AKR1D1: variants seen among roughly 807,000 people sequenced by gnomAD.
AKR1D1 encodes the protein aldo-keto reductase family 1 member D1.
A neutral mutation model predicts 42.6 loss-of-function variants in AKR1D1; 32 were observed. The ratio of observed to expected loss-of-function variants is 0.75; its 90% confidence interval spans 0.57 to 1.01. The LOEUF (loss-of-function observed/expected upper bound fraction) is 1.01, where lower values mean the gene tolerates loss of function less well. Ranked by LOEUF, AKR1D1 falls within the 50% of genes least tolerant of loss-of-function variation. AKR1D1 has a pLI of 0.00. For synonymous variants in AKR1D1, 123 were observed against 135.5 expected (o/e 0.91, Z 0.64); for missense variants, 364 against 402.2 (o/e 0.91, Z 0.81).
At chr7:138,090,287 A>T (rs934351221) in intron 2 of AKR1D1, among the ~76,000 whole-genome samples, 1 of 152,160 alleles carries the variant, frequency 6.6e-6, no homozygotes, top group African/African-American at 2.4e-5. Flanking sequence ...TCATTGTCCA[A>T]CAGAGGAAAA....
At chr7:138,089,479 C>T (rs1161308161) in intron 2 of AKR1D1, among the ~76,000 whole-genome samples, 1 of 150,940 alleles carries the variant, frequency 6.6e-6, no homozygotes, top group Non-Finnish European at 1.5e-5. Flanking sequence ...AATCCAAAAG[C>T]CAGCTATGTA....
chr7:138,087,929 T>C (rs564695303), intron 1 of AKR1D1, among the ~76,000 whole-genome samples: 1 of 151,704 alleles, frequency 6.6e-6, no homozygotes, highest in East Asian at 1.9e-4. Context: ...CTGTCTATGT[T>C]GCCCAGTCTG....
chr7:138,094,048 T>C (rs1299096979), intron 3 of AKR1D1, among the ~76,000 whole-genome samples: 1 of 152,234 alleles, frequency 6.6e-6, no homozygotes, highest in East Asian at 1.9e-4. Flanking sequence ...TTGGACTTGA[T>C]AGATAATTTC....
At chr7:138,116,002 G>A (rs1378947012) in intron 8 of AKR1D1, among the ~76,000 whole-genome samples, 1 of 152,080 alleles carries the variant, frequency 6.6e-6, no homozygotes, top group Non-Finnish European at 1.5e-5. Context: ...CCGAGACAGG[G>A]CGACTGCTTC....
intron 7 of AKR1D1, among the ~76,000 whole-genome samples, chr7:138,112,939 G>A (rs1287731831): frequency 6.6e-6 from 1 of 151,930 alleles, no homozygotes; most frequent in African/African-American, 2.4e-5. Flanking sequence ...TAAAAAGGTA[G>A]AAGAGACATA....
At chr7:138,095,193 C>T (rs939832795) in intron 3 of AKR1D1, among the ~76,000 whole-genome samples, 3 of 152,140 alleles carry the variant, frequency 2.0e-5, no homozygotes, top group Middle Eastern at 3.4e-3. Flanking sequence ...GTAAAAATCA[C>T]GTAACAGAAT....
intron 1 of AKR1D1, among the ~76,000 whole-genome samples, chr7:138,083,076 C>T (rs990340036): frequency 1.3e-5 from 2 of 152,118 alleles, no homozygotes. Context: ...TTTTTCTTGA[C>T]CAACATGTTC....
At chr7:138,090,895 C>A (rs1339116238) in intron 2 of AKR1D1, among the ~76,000 whole-genome samples, 1 of 152,088 alleles carries the variant, frequency 6.6e-6, no homozygotes, top group African/African-American at 2.4e-5. Context: ...CAAATAAGAA[C>A]AAAAGATCAG....
Position 138,087,671 on chromosome 7 carries a change from T to A in AKR1D1, c.94-930T>A, listed in dbSNP as rs149938164. Reference sequence around the variant, plus strand: ...TCTATCAACTCTATAAGCTTCCTCATGCCACTTTGTAATCCCTCCTTCCAC... The same window carrying A: ...TCTATCAACTCTATAAGCTTCCTCAAGCCACTTTGTAATCCCTCCTTCCAC... On this transcript the variant is annotated intron_variant, in intron 1 of 8. Transcript: ENST00000242375. 2.4e-3 allele frequency among the ~76,000 whole-genome samples: 361 copies of A among 152,300 alleles called. 2 individuals are homozygous for A. The highest frequency in any genetic ancestry group is 8.3e-3 in the African/African-American group (347 of 41,558).
At chr7:138,093,175 TCTC>T (rs1794118556) in intron 3 of AKR1D1, among the ~76,000 whole-genome samples, 2 of 151,764 alleles carry the variant, frequency 1.3e-5, no homozygotes, top group Admixed American at 1.3e-4. Context: ...TTCAAGCGAT[TCTC>T]CTGCCTCAGC....
chr7:138,107,246 T>A, intron 6 of AKR1D1, 169 bp from the exon 7 acceptor site: 1 of 792,984 alleles, frequency 1.3e-6, no homozygotes, highest in Admixed American at 1.7e-5. Context: ...ATACTACGAG[T>A]AACTCTCCAT....
chr7:138,081,506 CTTTTTTTTTTTTTTTTTTTT>C (rs61466734), intron 1 of AKR1D1, among the ~76,000 whole-genome samples: 3 of 47,620 alleles, frequency 6.3e-5, no homozygotes, highest in South Asian at 1.9e-3. Context: ...GAACTCCTAC[CTTTTTTTTTTTTTTTTTTTT>C]TTTTTTTTTT....
Position 138,097,895 on chromosome 7 carries a change from G to A in AKR1D1, c.408G>A (p.Glu136=). Residue 136 remains glutamate (E), a synonymous_variant, in exon 4 of 9, where the codon GAG becomes GAA. Coordinates refer to ENST00000242375, the MANE Select transcript of AKR1D1 (RefSeq NM_005989.4). ...GAGATGAAATATACCCTAGAGATGA[G>A]AATGGCAAATGGTTATATCACAAGT... ...KPGDEIYPRD[E]NGKWLYHKSN... 6.2e-7 allele frequency: 1 copy of A among 1,607,096 alleles called. No homozygotes were observed. The highest frequency in any genetic ancestry group is 8.5e-7 in the Non-Finnish European group (1 of 1,176,870).
At chr7:138,078,828 T>C (rs1036381404) in intron 1 of AKR1D1, among the ~76,000 whole-genome samples, 1 of 152,156 alleles carries the variant, frequency 6.6e-6, no homozygotes, top group Non-Finnish European at 1.5e-5. Context: ...TTTCAGAATC[T>C]GAATGAGCCA....
intron 3 of AKR1D1, among the ~76,000 whole-genome samples, chr7:138,094,321 C>T (rs1308618132): frequency 6.6e-6 from 1 of 152,044 alleles, no homozygotes; most frequent in Non-Finnish European, 1.5e-5. Context: ...TTGAGACAAG[C>T]CTGGGCAACA....
intron 5 of AKR1D1, 97 bp downstream of exon 5, chr7:138,105,526 G>A (rs1794406150): frequency 2.6e-6 from 4 of 1,537,748 alleles, no homozygotes; most frequent in African/African-American, 1.4e-5. Flanking sequence ...GCTCATGATT[G>A]CTCCACCTAA....
intron 1 of AKR1D1, among the ~76,000 whole-genome samples, chr7:138,081,187 T>C (rs187731198): frequency 3.4e-4 from 52 of 152,368 alleles, no homozygotes; most frequent in Admixed American, 3.4e-3. Context: ...ATTTCTGGAA[T>C]GTCTACTTCA....
rs757594806 is a variant in AKR1D1, at chr7:138,116,648, C to A, written c.967C>A (p.His323Asn). 1.2e-6 allele frequency: 2 copies of A among 1,614,162 alleles called. No individual in the cohort carries two copies. The highest frequency in any genetic ancestry group is 3.3e-5 in the Admixed American group (2 of 60,024). The change falls in exon 9 of 9, where the codon CAT becomes AAT. Residue 323 changes from histidine to asparagine, a missense_variant. Transcript: ENST00000242375. ...MWRDHPEYPF[H>N]DEY ...GCGCGATCATCCTGAATACCCATTT[C>A]ATGATGAATACTGACTGCAGGGAGT... is the stretch of plus-strand genomic sequence containing the variant.
In AKR1D1 at chr7:138,076,471, A is replaced by T; in HGVS notation, c.-48A>T. On this transcript the variant is annotated 5_prime_UTR_variant, in exon 1 of 9. In the 5' UTR this introduces an upstream ATG that the reference lacks. Coordinates refer to ENST00000242375, the MANE Select transcript of AKR1D1 (RefSeq NM_005989.4). ...TAGGCCCTAGGACACCTTTCTAAAA[A>T]GACTCCCTGTGGTGTTCAGAATCAC... 6.6e-7 allele frequency: 1 copy of T among 1,512,522 alleles called. No homozygotes were observed. Among genetic ancestry groups the T allele is most frequent in the Non-Finnish European group, 9.2e-7 (1 of 1,088,940 alleles). The allele number at this position is 1,512,522 out of a possible 1,614,324, so 93.7% of individuals were successfully genotyped here.
Sources: gnomAD v4.1 joint callset for allele counts (sites outside exome capture counted in the v4.1 genomes callset) on GRCh38, gnomAD v4.1.1 for gene constraint, MANE v1.5 for transcripts, NCBI Gene and HGNC (gene_info 2026-07-23, HGNC 2026-07-21) for gene names.